LARP4B: variants seen among roughly 807,000 people sequenced by gnomAD.
LARP4B encodes the protein la-related protein 4B.
Under a neutral mutation model 89.8 loss-of-function variants are expected in LARP4B, and 12 were observed. That is an observed-to-expected ratio of 0.13 (90% CI 0.09 to 0.22). The LOEUF is 0.22. Among genes scored for constraint, LARP4B ranks in the 10% least tolerant of loss-of-function variants. The pLI is 1.00. For synonymous variants in LARP4B, 367 were observed against 363.3 expected (o/e 1.01, Z -0.12); for missense variants, 757 against 947.7 (o/e 0.80, Z 2.64).
chr10:874,989 A>G (rs1835399272), intron 3 of LARP4B, among the ~76,000 whole-genome samples: 1 of 152,218 alleles, frequency 6.6e-6, no homozygotes, highest in Non-Finnish European at 1.5e-5. Context: ...TTCACTGTAC[A>G]GATAAGGGAA....
At chr10:922,738 G>A (rs1837017209) in intron 1 of LARP4B, among the ~76,000 whole-genome samples, 1 of 152,008 alleles carries the variant, frequency 6.6e-6, no homozygotes, top group African/African-American at 2.4e-5. Context: ...CTGGAGGTAT[G>A]GATATTAACC....
intron 7 of LARP4B, among the ~76,000 whole-genome samples, chr10:839,160 C>T (rs531031873): frequency 1.3e-5 from 2 of 152,296 alleles, no homozygotes; most frequent in South Asian, 2.1e-4. Flanking sequence ...AGTAAAATTA[C>T]CCTGTATGAT....
the LARP4B span, among the ~76,000 whole-genome samples, chr10:959,488 G>A: frequency 4.0e-4 from 4 of 9,984 alleles, no homozygotes; most frequent in African/African-American, 1.4e-3. Flanking sequence ...CCACCTCCCC[G>A]TCAATCCACC....
chr10:978,689 CTTTA>C, the LARP4B span, among the ~76,000 whole-genome samples: 1 of 152,090 alleles, frequency 6.6e-6, no homozygotes, highest in Admixed American at 6.6e-5. Flanking sequence ...GATTTATAGG[CTTTA>C]TTAATTATGT....
the LARP4B span, among the ~76,000 whole-genome samples, chr10:959,382 CCCACCTCCTCATCAAT>C: frequency 9.3e-5 from 13 of 139,458 alleles, no homozygotes; most frequent in Non-Finnish European, 1.2e-4. Context: ...CCTCATCAAT[CCCACCTCCTCATCAAT>C]CCACCTCCCC....
Position 812,012 on chromosome 10 carries a change from C to T in LARP4B, c.*914G>A, listed in dbSNP as rs2131585013. On this transcript the variant is annotated 3_prime_UTR_variant, in exon 18 of 18. Transcript: ENST00000316157. ...TAACTCTTAAATCCATGTGCTGATG[C>T]AGAGGTACAGGGAGATGTCCACACG... The T allele has an allele frequency of 6.5e-6, 1 of 152,694 alleles. No individual in the cohort carries two copies. The highest frequency in any genetic ancestry group is 1.9e-4 in the East Asian group (1 of 5,180). The allele number at this position is 152,694 out of a possible 1,614,324, so 9.5% of individuals were successfully genotyped here. A position where few individuals can be genotyped will look rare whatever the true frequency, so the allele number is the denominator to read the frequency against.
At chr10:959,425 G>GTCAATCCACCTCCCCA in the LARP4B span, among the ~76,000 whole-genome samples, 1 of 55,154 alleles carries the variant, frequency 1.8e-5, no homozygotes, top group African/African-American at 8.4e-5. Context: ...CCACCTCCCC[G>GTCAATCCACCTCCCCA]TCAATCCACC....
intron 7 of LARP4B, among the ~76,000 whole-genome samples, chr10:841,322 C>T (rs935693664): frequency 6.6e-6 from 1 of 152,162 alleles, no homozygotes; most frequent in Admixed American, 6.5e-5. Context: ...AAGGCATGTA[C>T]ATTTCTGTCC....
At position 885,703 on chromosome 10, in the gene LARP4B, C is replaced by G; in HGVS notation, c.19G>C (p.Ala7Pro). The change falls in exon 2 of 18, where the codon GCT becomes CCT. Residue 7 changes from alanine to proline, a missense_variant. Physicochemically the swap from Ala to Pro is conservative, Grantham distance 27. Around this residue, in one of 5 missense-constraint regions of LARP4B, gnomAD observed 175 missense variants for 187.0 expected, o/e 0.94. Coordinates refer to ENST00000316157, the MANE Select transcript of LARP4B (RefSeq NM_015155.3). MTSDQD[A>P]KVVAEPQTQR... is the part of the protein sequence containing the mutation. The stretch of plus-strand genomic sequence containing the variant: ...GTCTGCGGTTCAGCCACAACCTTAG[C>G]GTCCTGATCAGAAGTCATGGGCTCC... 6.2e-7 allele frequency: 1 copy of G among 1,614,062 alleles called. No homozygotes were observed. The highest frequency in any genetic ancestry group is 1.1e-5 in the South Asian group (1 of 91,078).
rs1392299281 is a variant in LARP4B, at chr10:809,729, C to G, written c.*3197G>C. 1.3e-5 allele frequency: 2 copies of G among 152,704 alleles called. No homozygotes were observed. Among genetic ancestry groups the G allele is most frequent in the Non-Finnish European group, 2.9e-5 (2 of 68,052 alleles). The allele number at this position is 152,704 out of a possible 1,614,324, so 9.5% of individuals were successfully genotyped here. On this transcript the variant is annotated 3_prime_UTR_variant, in exon 18 of 18. Coordinates refer to ENST00000316157, the MANE Select transcript of LARP4B (RefSeq NM_015155.3). The stretch of plus-strand genomic sequence containing the variant: ...GACCACATGACCCCCGCGCTGTGAG[C>G]TGCTGGCGGCCAGCGCCCTCGCCTC...
chr10:830,058 C>A (rs80212658), intron 9 of LARP4B, among the ~76,000 whole-genome samples: 1,832 of 152,314 alleles, frequency 0.012, 34 homozygotes, highest in African/African-American at 0.041. Flanking sequence ...TCCTAGTATT[C>A]ATCCCAATTT....
At chr10:889,540 T>G (rs1196091364) in intron 1 of LARP4B, among the ~76,000 whole-genome samples, 2 of 152,242 alleles carry the variant, frequency 1.3e-5, no homozygotes, top group African/African-American at 4.8e-5. Flanking sequence ...GGCCAGGAAC[T>G]GACTTCTTTC....
chr10:978,604 C>G, the LARP4B span, among the ~76,000 whole-genome samples: 1 of 151,900 alleles, frequency 6.6e-6, no homozygotes, highest in Admixed American at 6.6e-5. Flanking sequence ...CTTAATTTAC[C>G]AAGTCTTAAG....
At chr10:919,118 CTTTG>C (rs1352436462) in intron 1 of LARP4B, among the ~76,000 whole-genome samples, 6 of 152,208 alleles carry the variant, frequency 3.9e-5, no homozygotes, top group East Asian at 3.9e-4. Flanking sequence ...ACTATTAATA[CTTTG>C]TTTAACAGTA....
intron 3 of LARP4B, among the ~76,000 whole-genome samples, chr10:881,148 C>T (rs970414929): frequency 3.3e-5 from 5 of 152,188 alleles, no homozygotes; most frequent in African/African-American, 1.2e-4. Flanking sequence ...AACCAAACGA[C>T]ACTGTTGCTG....
intron 5 of LARP4B, among the ~76,000 whole-genome samples, chr10:848,469 A>G (rs1833884402): frequency 6.6e-6 from 1 of 152,144 alleles, no homozygotes; most frequent in East Asian, 1.9e-4. Context: ...CCAATCCAGA[A>G]CTGACACAGA....
At position 809,952 on chromosome 10, in the gene LARP4B, T is replaced by C. The variant is rs1334797105; in HGVS notation, c.*2974A>G. 1 of 152,316 alleles carries C rather than the reference T, an allele frequency of 6.6e-6. No homozygotes were observed. Among genetic ancestry groups the C allele is most frequent in the Non-Finnish European group, 1.5e-5 (1 of 68,040 alleles). The allele number at this position is 152,316 out of a possible 1,614,324, so 9.4% of individuals were successfully genotyped here. A position where few individuals can be genotyped will look rare whatever the true frequency, so the allele number is the denominator to read the frequency against. ...CACCCGCCAGTGACAGCCGGTGATG[T>C]GATGACAGGAGGGCCTGGGTGAAAA... is the stretch of plus-strand genomic sequence containing the variant. On this transcript the variant is annotated 3_prime_UTR_variant, in exon 18 of 18. Coordinates refer to ENST00000316157, the MANE Select transcript of LARP4B (RefSeq NM_015155.3).
chr10:901,125 T>C (rs946568228), intron 1 of LARP4B, among the ~76,000 whole-genome samples: 2 of 80,374 alleles, frequency 2.5e-5, no homozygotes, highest in African/African-American at 1.0e-4. Flanking sequence ...TTCACCATGT[T>C]GGCCTGGTTT....
At chr10:910,227 T>C (rs1240659613) in intron 1 of LARP4B, among the ~76,000 whole-genome samples, 1 of 152,160 alleles carries the variant, frequency 6.6e-6, no homozygotes, top group African/African-American at 2.4e-5. Context: ...TTTTTCCCTT[T>C]AAAAATCTAC....
Sources: gnomAD v4.1 joint callset for allele counts (sites outside exome capture counted in the v4.1 genomes callset) on GRCh38, gnomAD v4.1.1 for gene constraint, gnomAD v4.1.1 regional missense constraint, MANE v1.5 for transcripts, NCBI Gene and HGNC (gene_info 2026-07-23, HGNC 2026-07-21) for gene names.